RAD23B: variants seen among roughly 807,000 people sequenced by gnomAD.
The protein encoded by RAD23B is RAD23 nucleotide excision repair protein B, also known as lysine-specific demethylase RAD23B.
RAD23B carries 5 observed loss-of-function variants against 49.1 expected under a neutral mutation model. The observed-to-expected ratio is 0.10, with a 90% CI of 0.05 to 0.21. The LOEUF is 0.21. Ranked by LOEUF, RAD23B falls within the 10% of genes least tolerant of loss-of-function variation. The pLI, the probability that RAD23B is intolerant of heterozygous loss-of-function variation, is 1.00. For synonymous variants in RAD23B, 184 were observed against 165.4 expected (o/e 1.11, Z -0.86); for missense variants, 356 against 486.7 (o/e 0.73, Z 2.53).
In RAD23B at chr9:107,329,668, T is replaced by G. The variant is rs775546389; in HGVS notation, c.*12T>G. 1.9e-6 allele frequency: 3 copies of G among 1,558,392 alleles called. No individual in the cohort carries two copies. The East Asian group carries it at 6.7e-5, about 35-fold the overall frequency. ...TTGATGAAGATTGAAAGGGACTTTT[T>G]TATATCTCACACTTCACACCAGTGC... On this transcript the variant is annotated 3_prime_UTR_variant, in exon 10 of 10. Coordinates refer to ENST00000358015, the MANE Select transcript of RAD23B (RefSeq NM_002874.5).
At chr9:107,329,458 T>C (rs1213686561) in intron 9 of RAD23B, 85 bp from the exon 10 acceptor site, 1 of 837,776 alleles carries the variant, frequency 1.2e-6, no homozygotes, top group Non-Finnish European at 1.9e-6. Context: ...TCTTTAGTGC[T>C]ATGCTGGAAT....
At chr9:107,301,839 C>T (rs1341247923) in intron 2 of RAD23B, among the ~76,000 whole-genome samples, 196 bp from the exon 3 acceptor site, 1 of 152,136 alleles carries the variant, frequency 6.6e-6, no homozygotes, top group Non-Finnish European at 1.5e-5. Context: ...CCATGCCCTG[C>T]CACTTAGGAG....
At chr9:107,298,633 A>C (rs979424435) in intron 1 of RAD23B, among the ~76,000 whole-genome samples, 1 of 151,338 alleles carries the variant, frequency 6.6e-6, no homozygotes, top group African/African-American at 2.4e-5. Flanking sequence ...GCCTGACCCA[A>C]TGTACTTACA....
At position 107,324,817 on chromosome 9, in the gene RAD23B, C is replaced by T. The variant is rs765881680; in HGVS notation, c.946-17C>T. The T allele has an allele frequency of 7.0e-6, 11 of 1,578,316 alleles. No individual in the cohort carries two copies. In the Admixed American group the frequency reaches 1.9e-4, roughly 27 times the overall value. ...ATATCAGTGTATTATTTTTCTCTGTCCTTCATATCACCACAGCAAATTAGC... is the reference window on the plus strand; with the variant it reads ...ATATCAGTGTATTATTTTTCTCTGTTCTTCATATCACCACAGCAAATTAGC... On this transcript the variant is annotated splice_polypyrimidine_tract_variant and intron_variant, in intron 8 of 9. Coordinates refer to ENST00000358015, the MANE Select transcript of RAD23B (RefSeq NM_002874.5).
chr9:107,315,417 G>T (rs147567558), intron 5 of RAD23B, among the ~76,000 whole-genome samples: 1 of 152,124 alleles, frequency 6.6e-6, no homozygotes, highest in Non-Finnish European at 1.5e-5. Context: ...ATTGATCAAA[G>T]CTTATTCTGA....
chr9:107,306,376 T>C lies in RAD23B; in HGVS notation c.229-3T>C, dbSNP rs750765314. The C allele has an allele frequency of 1.2e-6, 2 of 1,611,340 alleles. No homozygotes were observed. The highest frequency in any genetic ancestry group is 1.3e-5 in the African/African-American group (1 of 74,980). On this transcript the variant is annotated splice_polypyrimidine_tract_variant and splice_region_variant and intron_variant, in intron 3 of 9. Transcript: ENST00000358015. ...TAATTATTTTGTCTTTTAATGTGTTTAGCCCAAAGCAGTGTCCACACCAGC... is the reference window on the plus strand; with the variant it reads ...TAATTATTTTGTCTTTTAATGTGTTCAGCCCAAAGCAGTGTCCACACCAGC...
At chr9:107,311,378 T>A (rs942428977) in intron 4 of RAD23B, among the ~76,000 whole-genome samples, 1 of 151,584 alleles carries the variant, frequency 6.6e-6, no homozygotes, top group Non-Finnish European at 1.5e-5. Flanking sequence ...GGTAAATAAT[T>A]GTGCATTATC....
chr9:107,306,857 C>A (rs77247341), intron 4 of RAD23B, among the ~76,000 whole-genome samples: 1,694 of 151,716 alleles, frequency 0.011, 24 homozygotes, highest in African/African-American at 0.036. Context: ...TTTCTGTACT[C>A]TGTTGATTTG....
chr9:107,287,211 G>A (rs1269880316), intron 1 of RAD23B, among the ~76,000 whole-genome samples: 1 of 145,016 alleles, frequency 6.9e-6, no homozygotes, highest in Non-Finnish European at 1.5e-5. Flanking sequence ...AAGAAAGGTA[G>A]ATTTAGGAAT....
chr9:107,306,911 AT>A (rs71368010), intron 4 of RAD23B, among the ~76,000 whole-genome samples: 29,993 of 132,006 alleles, frequency 0.23, 2,995 homozygotes, highest in Admixed American at 0.29. Context: ...GGTGAAAGTC[AT>A]TTTTTTTTTT....
In RAD23B at chr9:107,306,526, A is replaced by C. The variant is rs1375952090; in HGVS notation, c.376A>C (p.Ile126Leu). The C allele has an allele frequency of 6.2e-7, 1 of 1,614,014 alleles. No individual in the cohort carries two copies. The highest frequency in any genetic ancestry group is 1.3e-5 in the African/African-American group (1 of 74,974). The change falls in exon 4 of 10, where the codon ATC becomes CTC. Residue 126 changes from isoleucine to leucine, a missense_variant. Physicochemically the swap from Ile to Leu is conservative, Grantham distance 5. Coordinates refer to ENST00000358015, the MANE Select transcript of RAD23B (RefSeq NM_002874.5). ...GGCCCCCACTTCCACACCTGCATCC[A>C]TCACTCCAGCATCAGCGACAGCATC... is the stretch of plus-strand genomic sequence containing the variant. ...ALAPTSTPAS[I>L]TPASATASSE...
At chr9:107,319,204 C>T (rs1312213569) in intron 6 of RAD23B, among the ~76,000 whole-genome samples, 1 of 141,214 alleles carries the variant, frequency 7.1e-6, no homozygotes. Context: ...GATCTCTGCT[C>T]ACCACAAGCT....
chr9:107,300,292 T>C (rs1826623009), intron 2 of RAD23B, 70 bp downstream of exon 2: 3 of 1,432,986 alleles, frequency 2.1e-6, no homozygotes, highest in African/African-American at 1.5e-5. Flanking sequence ...TGTTATCTTA[T>C]ATATTGTAGT....
chr9:107,329,829 T>A lies in RAD23B; in HGVS notation c.*173T>A, dbSNP rs556522624. 1.2e-5 allele frequency: 5 copies of A among 415,110 alleles called. No homozygotes were observed. In the South Asian group the frequency reaches 2.4e-4, roughly 20 times the overall value. The allele number at this position is 415,110 out of a possible 1,614,324, so 25.7% of individuals were successfully genotyped here. A position where few individuals can be genotyped will look rare whatever the true frequency, so the allele number is the denominator to read the frequency against. On this transcript the variant is annotated 3_prime_UTR_variant, in exon 10 of 10. Transcript: ENST00000358015. ...AGGGCAGGGATAAATACAGTGCATG[T>A]CTGCTTCAATTAGCAGATGCCGCAA...
intron 1 of RAD23B, among the ~76,000 whole-genome samples, chr9:107,286,840 A>G (rs1342116459): frequency 6.6e-6 from 1 of 152,120 alleles, no homozygotes; most frequent in African/African-American, 2.4e-5. Flanking sequence ...TGGGAGGCCG[A>G]GGTGGGCGGA....
In RAD23B at chr9:107,290,600, C is replaced by T. The variant is rs537910527; in HGVS notation, c.66+6905C>T. ...ATACTTTTAAAAAAGTCTTTCTCCT[C>T]TTTATTAAAATGAGAGTAATAATAA... is the stretch of plus-strand genomic sequence containing the variant. On this transcript the variant is annotated intron_variant, in intron 1 of 9. Transcript: ENST00000358015. Among the ~76,000 whole-genome samples the T allele has an allele frequency of 2.6e-5, 4 of 152,284 alleles. No homozygotes were observed. In the South Asian group the frequency reaches 8.3e-4, roughly 32 times the overall value.
intron 1 of RAD23B, among the ~76,000 whole-genome samples, chr9:107,298,407 A>G (rs1034844759): frequency 2.1e-4 from 31 of 151,092 alleles, no homozygotes; most frequent in Admixed American, 2.0e-3. Flanking sequence ...TCCACTTTTC[A>G]AATGATTCTT....
chr9:107,329,718 T>A lies in RAD23B; in HGVS notation c.*62T>A. 2 of 1,153,754 alleles carry A rather than the reference T, an allele frequency of 1.7e-6. No individual in the cohort carries two copies. The highest frequency in any genetic ancestry group is 1.8e-5 in the Admixed American group (1 of 55,540). The allele number at this position is 1,153,754 out of a possible 1,614,324, so 71.5% of individuals were successfully genotyped here. A position where few individuals can be genotyped will look rare whatever the true frequency, so the allele number is the denominator to read the frequency against. On this transcript the variant is annotated 3_prime_UTR_variant, in exon 10 of 10. Transcript: ENST00000358015. ...CATTACACTAACTTGTTCACTGGAT[T>A]GTCTGGGATGACTTGGGCTCATATC...
chr9:107,297,943 A>G (rs1028694031), intron 1 of RAD23B, among the ~76,000 whole-genome samples: 3 of 152,090 alleles, frequency 2.0e-5, no homozygotes, highest in Admixed American at 6.6e-5. Context: ...ACATATGTCT[A>G]TGCTCTGTTC....
Sources: gnomAD v4.1 joint callset for allele counts (sites outside exome capture counted in the v4.1 genomes callset) on GRCh38, gnomAD v4.1.1 for gene constraint, MANE v1.5 for transcripts, NCBI Gene and HGNC (gene_info 2026-07-23, HGNC 2026-07-21) for gene names.